Variants in TRAM2 observed in about 807,000 individuals in gnomAD.
TRAM2 encodes the protein translocation associated membrane protein 2.
In TRAM2, 12 loss-of-function variants were observed where a neutral mutation model predicts 51.0. That is an observed-to-expected ratio of 0.24 (90% CI 0.15 to 0.38). The LOEUF is 0.38. Among genes scored for constraint, TRAM2 ranks in the 10% least tolerant of loss-of-function variants. The probability of loss-of-function intolerance (pLI) is 1.00; values close to 1 mark genes in which losing one functional copy is unlikely to be tolerated. For missense variants in TRAM2, 361 were observed against 462.0 expected (o/e 0.78, Z 2.00); for synonymous variants, 175 against 179.4 (o/e 0.98, Z 0.20).
intron 1 of TRAM2, among the ~76,000 whole-genome samples, chr6:52,547,856 G>A (rs1357706595): frequency 6.6e-6 from 1 of 152,262 alleles, no homozygotes; most frequent in African/African-American, 2.4e-5. Context: ...ATAAGCACCT[G>A]GCCATGGGCC....
At chr6:52,504,026 C>T (rs372487946) in intron 10 of TRAM2, among the ~76,000 whole-genome samples, 84 of 152,284 alleles carry the variant, frequency 5.5e-4, no homozygotes, top group African/African-American at 1.9e-3. Flanking sequence ...CTGGGCAGAA[C>T]GTGCAGGGCT....
intron 2 of TRAM2, among the ~76,000 whole-genome samples, chr6:52,521,485 A>G (rs1473903834): frequency 6.6e-6 from 1 of 151,650 alleles, no homozygotes; most frequent in African/African-American, 2.4e-5. Context: ...AGAGATCAGG[A>G]GCTCGAGACC....
In TRAM2 at chr6:52,577,046, G is replaced by T; in HGVS notation, c.-131C>A. On this transcript the variant is annotated 5_prime_UTR_variant, in exon 1 of 11. It adds an upstream start codon to the 5' untranslated region. Transcript: ENST00000182527. ...TCTCCCACAGCCGCTCGCCCGCCCA[G>T]CGCGGAACAACTTCGGGGCCCGCCC... 2 of 1,126,976 alleles carry T rather than the reference G, an allele frequency of 1.8e-6. No individual in the cohort carries two copies. Among genetic ancestry groups the T allele is most frequent in the Non-Finnish European group, 1.1e-6 (1 of 900,940 alleles). The allele number at this position is 1,126,976 out of a possible 1,614,324, so 69.8% of individuals were successfully genotyped here.
intron 1 of TRAM2, among the ~76,000 whole-genome samples, chr6:52,538,505 C>T (rs1033486889): frequency 1.3e-5 from 2 of 152,140 alleles, no homozygotes; most frequent in Non-Finnish European, 2.9e-5. Context: ...GGAGGTGCTG[C>T]TGGCCCCCAC....
chr6:52,503,226 G>C lies in TRAM2; in HGVS notation c.1084C>G (p.Pro362Ala). 6.2e-7 allele frequency: 1 copy of C among 1,613,962 alleles called. No individual in the cohort carries two copies. The highest frequency in any genetic ancestry group is 8.5e-7 in the Non-Finnish European group (1 of 1,179,972). The change falls in exon 11 of 11, where the codon CCA becomes GCA. Residue 362 changes from proline to alanine, a missense_variant. Coordinates refer to ENST00000182527, the MANE Select transcript of TRAM2 (RefSeq NM_012288.4). ...GGAGACTTGAGTTTCTTAGTCCGTG[G>C]GGAGGTTCCGTTCTCTGCCTTCACC... is the stretch of plus-strand genomic sequence containing the variant. ...GVVKAENGTS[P>A]RTKKLKSP
intron 4 of TRAM2, chr6:52,515,750 A>T (rs1393894598): frequency 2.7e-5 from 12 of 439,220 alleles, no homozygotes; most frequent in Non-Finnish European, 5.0e-5. Context: ...AGTATTGCAT[A>T]ATGATTATAA....
chr6:52,575,152 TAGG>T (rs1371605108), intron 1 of TRAM2, among the ~76,000 whole-genome samples: 3 of 152,330 alleles, frequency 2.0e-5, no homozygotes, highest in Non-Finnish European at 2.9e-5. Context: ...TTCATGTTGG[TAGG>T]AGATGTTATG....
intron 4 of TRAM2, among the ~76,000 whole-genome samples, chr6:52,510,200 C>T (rs936752088): frequency 4.6e-5 from 7 of 152,218 alleles, no homozygotes; most frequent in African/African-American, 1.7e-4. Flanking sequence ...GTTTCCATTA[C>T]TCTTGCAAGT....
rs145264099 is a variant in TRAM2, at chr6:52,520,811, C to T, written c.185-4074G>A. Among the ~76,000 whole-genome samples, 34 of 152,330 alleles carry T rather than the reference C, an allele frequency of 2.2e-4. No individual in the cohort carries two copies. In the East Asian group the frequency reaches 4.4e-3, roughly 20 times the overall value. On this transcript the variant is annotated intron_variant, in intron 2 of 10. Coordinates refer to ENST00000182527, the MANE Select transcript of TRAM2 (RefSeq NM_012288.4). ...TATACCATTCCTCTGACCTCTTACTCCTACAATCATAAGGAACAGCTTCAT... is the reference window on the plus strand; with the variant it reads ...TATACCATTCCTCTGACCTCTTACTTCTACAATCATAAGGAACAGCTTCAT...
chr6:52,505,907 G>A (rs772830917), intron 8 of TRAM2, 125 bp downstream of exon 8: 93 of 1,386,218 alleles, frequency 6.7e-5, no homozygotes, highest in Middle Eastern at 2.2e-4. Flanking sequence ...AAAAAATAAC[G>A]GGAGGGCACC....
intron 1 of TRAM2, among the ~76,000 whole-genome samples, chr6:52,558,407 A>C (rs556523386): frequency 6.6e-6 from 1 of 152,222 alleles, no homozygotes; most frequent in Admixed American, 6.5e-5. Flanking sequence ...CTGAGCAGGG[A>C]GTGTATCTTG....
chr6:52,507,923 A>T (rs1766378452), intron 6 of TRAM2, among the ~76,000 whole-genome samples: 1 of 152,228 alleles, frequency 6.6e-6, no homozygotes, highest in Non-Finnish European at 1.5e-5. Flanking sequence ...GAAGGAAACT[A>T]TAAAAAGTAA....
chr6:52,541,636 T>C (rs777729722), intron 1 of TRAM2, among the ~76,000 whole-genome samples: 2 of 152,172 alleles, frequency 1.3e-5, no homozygotes, highest in East Asian at 1.9e-4. Context: ...ATCCACCACC[T>C]GCCAGCCACA....
At chr6:52,513,737 T>C (rs1432248700) in intron 4 of TRAM2, among the ~76,000 whole-genome samples, 1 of 151,874 alleles carries the variant, frequency 6.6e-6, no homozygotes, top group Non-Finnish European at 1.5e-5. Flanking sequence ...ATCACATGAA[T>C]GGGGAGGAAA....
chr6:52,571,259 T>C (rs1359446289), intron 1 of TRAM2, among the ~76,000 whole-genome samples: 1 of 152,182 alleles, frequency 6.6e-6, no homozygotes, highest in Admixed American at 6.5e-5. Flanking sequence ...GGCTTTGCCA[T>C]TTATAAGGGT....
chr6:52,541,803 G>GTTTTTTTTTTTT (rs56919932), intron 1 of TRAM2, among the ~76,000 whole-genome samples: 48 of 138,698 alleles, frequency 3.5e-4, no homozygotes, highest in Non-Finnish European at 4.7e-4. Context: ...AGTTTATTCT[G>GTTTTTTTTTTTT]TTTTTTTTTT....
At chr6:52,517,505 T>C (rs1766573592) in intron 2 of TRAM2, among the ~76,000 whole-genome samples, 1 of 152,206 alleles carries the variant, frequency 6.6e-6, no homozygotes, top group Admixed American at 6.5e-5. Flanking sequence ...AAAATACAAT[T>C]AAATAGTAAT....
chr6:52,517,483 T>C (rs1187200063), intron 2 of TRAM2: 1 of 152,250 alleles, frequency 6.6e-6, no homozygotes, highest in Non-Finnish European at 1.5e-5. Flanking sequence ...CTGCAATAAA[T>C]GGTGGCTTAT....
chr6:52,540,357 A>G (rs963463697), intron 1 of TRAM2, among the ~76,000 whole-genome samples: 2 of 152,182 alleles, frequency 1.3e-5, no homozygotes, highest in African/African-American at 4.8e-5. Context: ...AACACAAAAA[A>G]TATGCATTTT....
Sources: gnomAD v4.1 joint callset for allele counts (sites outside exome capture counted in the v4.1 genomes callset) on GRCh38, gnomAD v4.1.1 for gene constraint, MANE v1.5 for transcripts, NCBI Gene and HGNC (gene_info 2026-07-23, HGNC 2026-07-21) for gene names.